The following DOCK4 variants were observed in gnomAD, a reference collection of about 807,000 sequenced individuals.
DOCK4 encodes dedicator of cytokinesis protein 4.
In DOCK4, 97 loss-of-function variants were observed where a neutral mutation model predicts 268.1. The observed-to-expected ratio is 0.36, with a 90% confidence interval of 0.31 to 0.43. DOCK4 has a LOEUF of 0.43. Among genes scored for constraint, DOCK4 ranks in the 20% least tolerant of loss-of-function variants. DOCK4 has a pLI of 1.00. For synonymous variants in DOCK4, 954 were observed against 887.2 expected, an observed-to-expected ratio of 1.08 and a Z score of -1.34; for missense variants, 2,145 against 2,455.7, an observed-to-expected ratio of 0.87 and a Z score of 2.67.
At chr7:112,072,826 C>A (rs557144471) in intron 1 of DOCK4, among the ~76,000 whole-genome samples, 1 of 152,166 alleles carries the variant, frequency 6.6e-6, no homozygotes, top group African/African-American at 2.4e-5. Context: ...GGTAAAATGG[C>A]GGAGCTTTAC....
At chr7:112,189,873 C>T (rs1330681420) in intron 1 of DOCK4, among the ~76,000 whole-genome samples, 31 of 151,492 alleles carry the variant, frequency 2.0e-4, no homozygotes, top group African/African-American at 7.3e-4. Context: ...TGAGTCACCA[C>T]ACCCGGCTTT....
At chr7:111,871,173 G>C (rs1420459225) in intron 20 of DOCK4, among the ~76,000 whole-genome samples, 1 of 152,168 alleles carries the variant, frequency 6.6e-6, no homozygotes, top group Non-Finnish European at 1.5e-5. Flanking sequence ...ACTCACCTCA[G>C]GGAACAGTCA....
chr7:111,953,284 T>C (rs1010915751), intron 8 of DOCK4, among the ~76,000 whole-genome samples: 1 of 151,188 alleles, frequency 6.6e-6, no homozygotes, highest in Non-Finnish European at 1.5e-5. Flanking sequence ...ACTGAGTAGG[T>C]GTGAAGGGAG....
At chr7:111,931,148 C>T (rs1794169691) in intron 12 of DOCK4, among the ~76,000 whole-genome samples, 1 of 152,076 alleles carries the variant, frequency 6.6e-6, no homozygotes. Context: ...GCAGACAGGG[C>T]TTTGTAGCAG....
intron 1 of DOCK4, among the ~76,000 whole-genome samples, chr7:112,200,479 A>G (rs184520143): frequency 1.3e-5 from 2 of 152,252 alleles, no homozygotes; most frequent in East Asian, 3.9e-4. Flanking sequence ...CTTTTTAAGT[A>G]AAACATTGTA....
intron 1 of DOCK4, among the ~76,000 whole-genome samples, chr7:112,193,075 C>T (rs1471264097): frequency 6.6e-6 from 1 of 152,070 alleles, no homozygotes; most frequent in East Asian, 1.9e-4. Context: ...ATAAAACTTC[C>T]ATCTACTTTT....
At chr7:111,860,095 G>A (rs930456025) in intron 23 of DOCK4, among the ~76,000 whole-genome samples, 9 of 152,122 alleles carry the variant, frequency 5.9e-5, no homozygotes, top group African/African-American at 1.9e-4. Context: ...AAGATATCAC[G>A]TCCTGTTCTC....
intron 23 of DOCK4, among the ~76,000 whole-genome samples, chr7:111,860,971 T>C (rs1188608811): frequency 6.6e-6 from 1 of 152,340 alleles, no homozygotes; most frequent in East Asian, 1.9e-4. Flanking sequence ...TCTTGCTCTT[T>C]TAGTGCAAGA....
chr7:112,140,102 T>G (rs1814755603), intron 1 of DOCK4, among the ~76,000 whole-genome samples: 1 of 152,108 alleles, frequency 6.6e-6, no homozygotes, highest in South Asian at 2.1e-4. Flanking sequence ...CAGGTCTAGA[T>G]TCATGGCTTT....
At chr7:111,749,844 G>GT (rs1796513157) in intron 42 of DOCK4, among the ~76,000 whole-genome samples, 2 of 152,286 alleles carry the variant, frequency 1.3e-5, no homozygotes, top group South Asian at 4.1e-4. Context: ...AGAAGATGCT[G>GT]GGGAAATAAG....
At chr7:111,765,924 C>T (rs1299720959) in intron 38 of DOCK4, among the ~76,000 whole-genome samples, 2 of 152,100 alleles carry the variant, frequency 1.3e-5, no homozygotes, top group African/African-American at 2.4e-5. Context: ...CCCCCTCTAT[C>T]CCCCCTCTAG....
intron 1 of DOCK4, among the ~76,000 whole-genome samples, chr7:112,079,000 G>A (rs1002800369): frequency 1.1e-4 from 17 of 152,010 alleles, no homozygotes; most frequent in South Asian, 4.1e-4. Flanking sequence ...GGTGGCATGC[G>A]CCTGTAATCC....
At chr7:111,988,721 G>A (rs1038701079) in intron 6 of DOCK4, among the ~76,000 whole-genome samples, 2 of 152,162 alleles carry the variant, frequency 1.3e-5, no homozygotes, top group Non-Finnish European at 2.9e-5. Context: ...ATCCATTTTA[G>A]TCAGACGCCA....
At chr7:112,201,694 G>C (rs954475407) in intron 1 of DOCK4, among the ~76,000 whole-genome samples, 1 of 152,122 alleles carries the variant, frequency 6.6e-6, no homozygotes, top group African/African-American at 2.4e-5. Flanking sequence ...AACAGATGAG[G>C]ACATGCAGGA....
intron 1 of DOCK4, among the ~76,000 whole-genome samples, chr7:112,052,258 A>G (rs1337087974): frequency 6.6e-6 from 1 of 152,208 alleles, no homozygotes; most frequent in Non-Finnish European, 1.5e-5. Flanking sequence ...ACCAATGGAT[A>G]TAGAATGTTG....
intron 23 of DOCK4, among the ~76,000 whole-genome samples, chr7:111,851,800 C>T (rs960992972): frequency 6.6e-6 from 1 of 152,054 alleles, no homozygotes; most frequent in Non-Finnish European, 1.5e-5. Context: ...GCTTGGAATG[C>T]AATGAGTGCT....
chr7:112,041,849 C>T (rs892598360), intron 1 of DOCK4, among the ~76,000 whole-genome samples: 3 of 152,182 alleles, frequency 2.0e-5, no homozygotes, highest in Non-Finnish European at 4.4e-5. Context: ...TTTGCTTGGA[C>T]CCAGCCTGCC....
At chr7:111,943,475 A>C (rs1466714482) in intron 10 of DOCK4, among the ~76,000 whole-genome samples, 1 of 152,218 alleles carries the variant, frequency 6.6e-6, no homozygotes, top group Non-Finnish European at 1.5e-5. Context: ...TTATATTAAA[A>C]TTTTAGCAAT....
Position 112,141,447 on chromosome 7 carries a change from G to A in DOCK4, c.37+64655C>T, listed in dbSNP as rs149892026. ...GACAATCAGCTGACTTTAAGTAAAA[G>A]CAAAATTATTCTTGATAACGTGAGT... is the stretch of plus-strand genomic sequence containing the variant. On this transcript the variant is annotated intron_variant, in intron 1 of 52. Transcript: ENST00000428084. Among the ~76,000 whole-genome samples, 15 of 152,238 alleles carry A rather than the reference G, an allele frequency of 9.9e-5. No homozygotes were observed. In the East Asian group the frequency reaches 2.7e-3, roughly 27 times the overall value.
Sources: gnomAD v4.1 joint callset for allele counts (sites outside exome capture counted in the v4.1 genomes callset) on GRCh38, gnomAD v4.1.1 for gene constraint, MANE v1.5 for transcripts, NCBI Gene and HGNC (gene_info 2026-07-23, HGNC 2026-07-21) for gene names.